The following HSPBAP1 variants were observed in gnomAD, a reference collection of about 807,000 sequenced individuals.
HSPBAP1 encodes the protein HSPB1 associated protein 1.
Under a neutral mutation model 45.2 loss-of-function variants are expected in HSPBAP1, and 27 were observed. The ratio of observed to expected loss-of-function variants is 0.60; its 90% confidence interval spans 0.44 to 0.82. HSPBAP1 has a LOEUF of 0.82. Ranked by LOEUF, HSPBAP1 falls within the 40% of genes least tolerant of loss-of-function variation. The pLI, the probability that HSPBAP1 is intolerant of heterozygous loss-of-function variation, is 0.00. For synonymous variants in HSPBAP1, 204 were observed against 202.7 expected, an observed-to-expected ratio of 1.01 and a Z score of -0.06; for missense variants, 510 against 590.9, an observed-to-expected ratio of 0.86 and a Z score of 1.42.
intron 1 of HSPBAP1, among the ~76,000 whole-genome samples, chr3:122,780,847 C>T (rs1238494237): frequency 7.2e-6 from 1 of 139,448 alleles, no homozygotes; most frequent in Admixed American, 7.0e-5. Flanking sequence ...ACGGGGCGGC[C>T]GGGCAGAGAC....
At chr3:122,780,101 T>C (rs1935360259) in intron 1 of HSPBAP1, among the ~76,000 whole-genome samples, 2 of 147,956 alleles carry the variant, frequency 1.4e-5, no homozygotes, top group South Asian at 2.1e-4. Context: ...GAGGCGCCCC[T>C]CACCTCCCGG....
In HSPBAP1 at chr3:122,793,780, G is replaced by A; in HGVS notation, c.-100C>T. On this transcript the variant is annotated 5_prime_UTR_variant, in exon 1 of 8. Transcript: ENST00000306103. ...TCCGAGACCCGAAGCTGCACCACAG[G>A]AAGGAGCCCCGGCGACTCCCGCCCG... The A allele has an allele frequency of 8.7e-7, 1 of 1,146,446 alleles. No individual in the cohort carries two copies. Among genetic ancestry groups the A allele is most frequent in the Non-Finnish European group, 1.3e-6 (1 of 786,132 alleles). 71.0% of individuals were successfully genotyped at this position (1,146,446 alleles called of 1,614,324 possible).
At chr3:122,752,767 G>C (rs1934204799) in intron 5 of HSPBAP1, 93 bp from the exon 6 acceptor site, 9 of 1,410,624 alleles carry the variant, frequency 6.4e-6, no homozygotes, top group Non-Finnish European at 8.5e-6. Flanking sequence ...AGGAAAAAAA[G>C]GAATACAAAT....
At chr3:122,780,614 C>G (rs572273274) in intron 1 of HSPBAP1, among the ~76,000 whole-genome samples, 1 of 147,080 alleles carries the variant, frequency 6.8e-6, no homozygotes, top group African/African-American at 2.6e-5. Flanking sequence ...CTGACCCCCC[C>G]ACATCCCTCC....
intron 5 of HSPBAP1, 125 bp from the exon 6 acceptor site, chr3:122,752,799 G>C: frequency 1.4e-6 from 2 of 1,380,774 alleles, no homozygotes; most frequent in Non-Finnish European, 1.9e-6. Context: ...AATATTGCTG[G>C]AGAAAAGTAA....
chr3:122,745,577 A>G (rs1407400762), intron 6 of HSPBAP1, among the ~76,000 whole-genome samples: 1 of 152,196 alleles, frequency 6.6e-6, no homozygotes, highest in African/African-American at 2.4e-5. Flanking sequence ...TCCACTCCAC[A>G]CAGTATACAT....
rs756837685 is a variant in HSPBAP1, at chr3:122,741,131, G to C, written c.826-18C>G. The C allele has an allele frequency of 1.9e-6, 3 of 1,543,754 alleles. No homozygotes were observed. The highest frequency in any genetic ancestry group is 1.8e-6 in the Non-Finnish European group (2 of 1,116,092). The stretch of plus-strand genomic sequence containing the variant: ...TCCTCTTCCTGAATTAAAAAAACAC[G>C]CTTTTAACTTCTGTTAAGTCTCATG... On this transcript the variant is annotated intron_variant, in intron 6 of 7. Transcript: ENST00000306103.
chr3:122,741,954 G>C (rs1933685834), intron 6 of HSPBAP1, among the ~76,000 whole-genome samples: 1 of 151,922 alleles, frequency 6.6e-6, no homozygotes, highest in Non-Finnish European at 1.5e-5. Flanking sequence ...GGAAAACATG[G>C]GTGGCATTAT....
intron 1 of HSPBAP1, among the ~76,000 whole-genome samples, chr3:122,780,191 C>A (rs1429101826): frequency 1.2e-5 from 1 of 84,792 alleles, no homozygotes; most frequent in African/African-American, 3.9e-5. Flanking sequence ...GGGGGCTGAC[C>A]CCCCCACCTC....
Position 122,793,810 on chromosome 3 carries a change from CTACGGAAACGCCGGCTCT to C in HSPBAP1, c.-148_-131del, listed in dbSNP as rs1330544516. 1 of 751,056 alleles carries C rather than the reference CTACGGAAACGCCGGCTCT, an allele frequency of 1.3e-6. No individual in the cohort carries two copies. Among genetic ancestry groups the C allele is most frequent in the Non-Finnish European group, 2.2e-6 (1 of 460,046 alleles). The allele number at this position is 751,056 out of a possible 1,614,324, so 46.5% of individuals were successfully genotyped here. On this transcript the variant is annotated 5_prime_UTR_variant, in exon 1 of 8. Coordinates refer to ENST00000306103, the MANE Select transcript of HSPBAP1 (RefSeq NM_024610.6). ...AGCCCCGGCGACTCCCGCCCGGCTCCTACGGAAACGCCGGCTCTCACGTGGAGGTCACGTGACGGATGC... is the reference window on the plus strand; with the variant it reads ...AGCCCCGGCGACTCCCGCCCGGCTCCCACGTGGAGGTCACGTGACGGATGC...
chr3:122,754,361 C>T (rs1451510951), intron 5 of HSPBAP1: 1 of 172,498 alleles, frequency 5.8e-6, no homozygotes, highest in Non-Finnish European at 1.2e-5. Flanking sequence ...ATACATTATG[C>T]TATGTGAAAG....
chr3:122,750,515 A>ATATC (rs9289203), intron 6 of HSPBAP1, among the ~76,000 whole-genome samples: 37,321 of 149,006 alleles, frequency 0.25, 4,735 homozygotes, highest in Non-Finnish European at 0.28. Context: ...AAATACATCA[A>ATATC]TATCTATCTA....
chr3:122,753,640 A>G, intron 5 of HSPBAP1: 1 of 985,200 alleles, frequency 1.0e-6, no homozygotes, highest in Non-Finnish European at 1.2e-6. Flanking sequence ...AATGATGTGA[A>G]GCTTTTGGGC....
chr3:122,758,363 T>C (rs970400110), intron 4 of HSPBAP1, among the ~76,000 whole-genome samples: 3 of 152,140 alleles, frequency 2.0e-5, no homozygotes, highest in Admixed American at 6.5e-5. Flanking sequence ...AGTCCACAGA[T>C]AGATGGAGAC....
At chr3:122,778,823 C>G (rs1297665850) in intron 1 of HSPBAP1, among the ~76,000 whole-genome samples, 1 of 152,130 alleles carries the variant, frequency 6.6e-6, no homozygotes, top group African/African-American at 2.4e-5. Context: ...AGCCACTGCA[C>G]CCGGCCCACA....
chr3:122,766,865 C>A (rs1053896223), intron 3 of HSPBAP1, among the ~76,000 whole-genome samples: 1 of 152,156 alleles, frequency 6.6e-6, no homozygotes, highest in East Asian at 1.9e-4. Context: ...CATAGAGTTA[C>A]TTTGAGGATT....
chr3:122,756,751 T>C (rs1307942355), intron 4 of HSPBAP1, among the ~76,000 whole-genome samples: 2 of 151,938 alleles, frequency 1.3e-5, no homozygotes, highest in African/African-American at 2.4e-5. Flanking sequence ...CCTATCAATT[T>C]ACACGGCCAT....
At chr3:122,782,081 T>G (rs74479422) in intron 1 of HSPBAP1, among the ~76,000 whole-genome samples, 4,911 of 152,310 alleles carry the variant, frequency 0.032, 110 homozygotes, top group Middle Eastern at 0.071. Flanking sequence ...CTTCAAATTT[T>G]AAAAGATGTG....
chr3:122,765,923 G>A (rs970992681), intron 3 of HSPBAP1, among the ~76,000 whole-genome samples: 2 of 152,162 alleles, frequency 1.3e-5, no homozygotes, highest in African/African-American at 4.8e-5. Flanking sequence ...TTTGGTGTGT[G>A]TGGTATAAAA....
Sources: gnomAD v4.1 joint callset for allele counts (sites outside exome capture counted in the v4.1 genomes callset) on GRCh38, gnomAD v4.1.1 for gene constraint, MANE v1.5 for transcripts, NCBI Gene and HGNC (gene_info 2026-07-23, HGNC 2026-07-21) for gene names.